Variants in FRMD4A observed in about 807,000 individuals in gnomAD.
FRMD4A encodes FERM domain-containing protein 4A.
A neutral mutation model predicts 129.1 loss-of-function variants in FRMD4A; 29 were observed. The ratio of observed to expected loss-of-function variants is 0.22; its 90% confidence interval spans 0.17 to 0.31. The LOEUF (loss-of-function observed/expected upper bound fraction) is 0.31. Among genes scored for constraint, FRMD4A ranks in the 10% least tolerant of loss-of-function variants. The pLI, the probability that FRMD4A is intolerant of heterozygous loss-of-function variation, is 1.00. For synonymous variants in FRMD4A, 634 were observed against 571.6 expected (o/e 1.11, Z -1.56); for missense variants, 1,272 against 1,375.8 (o/e 0.92, Z 1.19).
chr10:13,956,883 GA>G (rs1416219024), intron 2 of FRMD4A, among the ~76,000 whole-genome samples: 1 of 152,184 alleles, frequency 6.6e-6, no homozygotes, highest in African/African-American at 2.4e-5. Context: ...TGGGAAGGGG[GA>G]AAGTGTAGAC....
At chr10:14,203,738 T>C (rs1485961543) in intron 2 of FRMD4A, among the ~76,000 whole-genome samples, 1 of 152,242 alleles carries the variant, frequency 6.6e-6, no homozygotes, top group Non-Finnish European at 1.5e-5. Context: ...TCTGCATCTA[T>C]TGGGAGGGGA....
intron 2 of FRMD4A, among the ~76,000 whole-genome samples, chr10:14,170,826 G>A (rs75099278): frequency 5.6e-4 from 2 of 3,600 alleles, no homozygotes; most frequent in African/African-American, 6.6e-4. Flanking sequence ...TCTTCTCCCC[G>A]TCCTCTCCTC....
At chr10:14,123,536 C>T (rs1399422018) in intron 2 of FRMD4A, among the ~76,000 whole-genome samples, 1 of 152,240 alleles carries the variant, frequency 6.6e-6, no homozygotes, top group East Asian at 1.9e-4. Flanking sequence ...CTGGGTAGAG[C>T]TCCTGGGCCA....
At chr10:13,794,750 C>T (rs890106876) in intron 5 of FRMD4A, among the ~76,000 whole-genome samples, 38 of 152,290 alleles carry the variant, frequency 2.5e-4, no homozygotes, top group African/African-American at 8.9e-4. Flanking sequence ...GAGGTTCTTG[C>T]TTTGGCCGAC....
chr10:13,779,374 A>C (rs993667152), intron 6 of FRMD4A, among the ~76,000 whole-genome samples: 2 of 152,152 alleles, frequency 1.3e-5, no homozygotes, highest in African/African-American at 4.8e-5. Context: ...CAACCAAGAG[A>C]AAATTCCTTA....
chr10:14,018,917 C>A (rs201140262), intron 2 of FRMD4A, among the ~76,000 whole-genome samples: 47 of 152,084 alleles, frequency 3.1e-4, no homozygotes, highest in African/African-American at 1.1e-3. Flanking sequence ...GTAAATGCAG[C>A]TCTGGATTTC....
At chr10:14,252,727 C>A (rs899347484) in intron 2 of FRMD4A, among the ~76,000 whole-genome samples, 2 of 152,224 alleles carry the variant, frequency 1.3e-5, no homozygotes, top group Non-Finnish European at 2.9e-5. Context: ...AGTTTTTATC[C>A]TTTCTAACAA....
chr10:13,836,236 G>A (rs185987357), intron 3 of FRMD4A, among the ~76,000 whole-genome samples: 119 of 152,326 alleles, frequency 7.8e-4, no homozygotes, highest in East Asian at 1.5e-3. Flanking sequence ...GACCTCAGGT[G>A]ATCCACCTGC....
intron 2 of FRMD4A, among the ~76,000 whole-genome samples, chr10:14,053,284 T>C (rs1834351120): frequency 6.6e-6 from 1 of 152,208 alleles, no homozygotes; most frequent in South Asian, 2.1e-4. Context: ...TGGTGGAGCA[T>C]GGCTGATGTT....
At chr10:13,709,811 T>G (rs1378720133) in intron 12 of FRMD4A, among the ~76,000 whole-genome samples, 1 of 152,270 alleles carries the variant, frequency 6.6e-6, no homozygotes, top group Non-Finnish European at 1.5e-5. Context: ...GTTGATATCT[T>G]GAAATTCCTA....
intron 3 of FRMD4A, among the ~76,000 whole-genome samples, chr10:13,817,962 T>C (rs775555776): frequency 2.6e-5 from 4 of 152,168 alleles, no homozygotes; most frequent in Non-Finnish European, 4.4e-5. Flanking sequence ...CTATACTACA[T>C]ACAGTATCAA....
At chr10:14,131,281 A>C (rs1038823487) in intron 2 of FRMD4A, among the ~76,000 whole-genome samples, 6 of 152,216 alleles carry the variant, frequency 3.9e-5, no homozygotes, top group African/African-American at 1.4e-4. Flanking sequence ...AGAGAGGCTC[A>C]GGCGATGCAG....
intron 5 of FRMD4A, among the ~76,000 whole-genome samples, chr10:13,795,669 T>C (rs1337144115): frequency 6.6e-6 from 1 of 152,216 alleles, no homozygotes. Flanking sequence ...AATGCTTCTG[T>C]AATTGTGTTG....
chr10:13,738,183 G>A (rs1323704930), intron 11 of FRMD4A, among the ~76,000 whole-genome samples: 1 of 152,064 alleles, frequency 6.6e-6, no homozygotes, highest in Non-Finnish European at 1.5e-5. Flanking sequence ...CACAGCCGAG[G>A]TCCTTTCCCT....
At chr10:14,205,342 C>T (rs1336005713) in intron 2 of FRMD4A, among the ~76,000 whole-genome samples, 1 of 152,120 alleles carries the variant, frequency 6.6e-6, no homozygotes, top group Non-Finnish European at 1.5e-5. Flanking sequence ...ATAGAAAGTT[C>T]TCTCGGCCAT....
chr10:13,897,119 G>A (rs977375303), intron 2 of FRMD4A, among the ~76,000 whole-genome samples: 3 of 152,152 alleles, frequency 2.0e-5, no homozygotes, highest in East Asian at 3.9e-4. Flanking sequence ...GTGCTGCTTC[G>A]CTGACCAGCC....
At chr10:14,317,626 C>A (rs933077410) in intron 2 of FRMD4A, among the ~76,000 whole-genome samples, 6 of 151,262 alleles carry the variant, frequency 4.0e-5, no homozygotes, top group Admixed American at 1.3e-4. Context: ...CTGACTGAGA[C>A]CCTCTTAAAA....
At chr10:13,934,496 G>A (rs1282615642) in intron 2 of FRMD4A, among the ~76,000 whole-genome samples, 1 of 151,670 alleles carries the variant, frequency 6.6e-6, no homozygotes, top group East Asian at 1.9e-4. Flanking sequence ...TGGAGATGCT[G>A]GCTGTCCTTT....
chr10:14,055,049 C>T (rs138064485), intron 2 of FRMD4A, among the ~76,000 whole-genome samples: 5 of 152,246 alleles, frequency 3.3e-5, no homozygotes, highest in African/African-American at 1.2e-4. Context: ...TTACTCCCCA[C>T]CTGTATCTCA....
Sources: allele counts gnomAD v4.1 joint callset (sites outside exome capture counted in the v4.1 genomes callset), GRCh38; gene constraint gnomAD v4.1.1; transcripts MANE v1.5; gene names NCBI Gene and HGNC (gene_info 2026-07-23, HGNC 2026-07-21).